Variants in IL26 observed in about 807,000 individuals in gnomAD.
IL26 encodes interleukin-26.
IL26 carries 23 observed loss-of-function variants against 21.7 expected under a neutral mutation model. The observed-to-expected ratio is 1.06, with a 90% CI of 0.76 to 1.50. IL26 has a LOEUF of 1.50. IL26 is among the 40% of genes most tolerant of loss of function. The pLI is 0.00. For missense variants in IL26, 204 were observed against 196.0 expected (o/e 1.04, Z -0.24); for synonymous variants, 63 against 67.8 (o/e 0.93, Z 0.34).
chr12:68,210,052 T>C (rs946172278), intron 3 of IL26, among the ~76,000 whole-genome samples: 5 of 151,862 alleles, frequency 3.3e-5, no homozygotes, highest in African/African-American at 1.2e-4. Flanking sequence ...ATGGCTAAGA[T>C]GGTTTCTACT....
At chr12:68,224,781 G>GGGAGAGAA (rs1869187415) in intron 3 of IL26, among the ~76,000 whole-genome samples, 1 of 133,584 alleles carries the variant, frequency 7.5e-6, no homozygotes, top group South Asian at 2.4e-4. Context: ...GGGAGAGAAA[G>GGGAGAGAA]AGAGACTTAG....
At chr12:68,222,714 G>A (rs930871324) in intron 3 of IL26, among the ~76,000 whole-genome samples, 2 of 152,146 alleles carry the variant, frequency 1.3e-5, no homozygotes, top group African/African-American at 4.8e-5. Context: ...CTTTCAAGAA[G>A]GGACTTGACC....
At chr12:68,204,141 AT>A (rs6144754) in intron 3 of IL26, among the ~76,000 whole-genome samples, 6,923 of 113,138 alleles carry the variant, frequency 0.061, 456 homozygotes, top group African/African-American at 0.22. Flanking sequence ...GGATTCAAAG[AT>A]TTTTTTTTTT....
intron 4 of IL26, 32 bp downstream of exon 4, chr12:68,201,986 A>T (rs1868401988): frequency 1.1e-5 from 17 of 1,539,748 alleles, no homozygotes; most frequent in Non-Finnish European, 1.5e-5. Flanking sequence ...TAAAAAACAA[A>T]GTTTTTTAAT....
chr12:68,225,326 T>A, intron 2 of IL26, 43 bp from the exon 3 acceptor site: 1 of 1,584,128 alleles, frequency 6.3e-7, no homozygotes, highest in Non-Finnish European at 8.6e-7. Context: ...AAATTATGAA[T>A]CGTTTTTTAA....
chr12:68,204,140 G>GTTTTTTTTTTT (rs1565735764), intron 3 of IL26, among the ~76,000 whole-genome samples: 1 of 108,936 alleles, frequency 9.2e-6, no homozygotes. Context: ...AGGATTCAAA[G>GTTTTTTTTTTT]ATTTTTTTTT....
At chr12:68,218,643 A>C (rs1344439463) in intron 3 of IL26, among the ~76,000 whole-genome samples, 3 of 152,000 alleles carry the variant, frequency 2.0e-5, no homozygotes, top group Admixed American at 6.5e-5. Context: ...AGACAGAAGG[A>C]GATACAGAAA....
chr12:68,202,045 A>G lies in IL26; in HGVS notation c.402T>C (p.Ile134=). ...CASSAREMKS[I]TRMKRIFYRI... ...TATAAAATATTCTTTTCATCCTGGTAATGGATTTCATCTCTCTAGCTGATG... is the reference window on the plus strand; with the variant it reads ...TATAAAATATTCTTTTCATCCTGGTGATGGATTTCATCTCTCTAGCTGATG... The change falls in exon 4 of 5, where the codon ATT becomes ATC. Residue 134 remains isoleucine, a synonymous_variant. Transcript: ENST00000229134. 6.3e-7 allele frequency: 1 copy of G among 1,586,158 alleles called. No homozygotes were observed. The highest frequency in any genetic ancestry group is 1.2e-5 in the South Asian group (1 of 86,726).
chr12:68,205,748 A>G (rs1351402650), intron 3 of IL26, among the ~76,000 whole-genome samples: 3 of 152,242 alleles, frequency 2.0e-5, no homozygotes, highest in African/African-American at 7.2e-5. Flanking sequence ...ATTTCTATAC[A>G]GTACTAACCC....
At chr12:68,207,329 A>G (rs1471576050) in intron 3 of IL26, among the ~76,000 whole-genome samples, 1 of 152,188 alleles carries the variant, frequency 6.6e-6, no homozygotes, top group African/African-American at 2.4e-5. Context: ...CACCAGTGGC[A>G]CTTTTTGTGG....
At chr12:68,220,151 T>C (rs1344943993) in intron 3 of IL26, among the ~76,000 whole-genome samples, 1 of 151,822 alleles carries the variant, frequency 6.6e-6, no homozygotes, top group Non-Finnish European at 1.5e-5. Context: ...TAAGAAAAAA[T>C]AAGTCTATAC....
chr12:68,206,837 A>T (rs1235570322), intron 3 of IL26, among the ~76,000 whole-genome samples: 1 of 152,130 alleles, frequency 6.6e-6, no homozygotes, highest in African/African-American at 2.4e-5. Flanking sequence ...GGCATCTGGG[A>T]ACTTGTCTGC....
Position 68,224,113 on chromosome 12 carries a change from T to A in IL26, c.363+1036A>T, listed in dbSNP as rs1197592915. On this transcript the variant is annotated intron_variant, in intron 3 of 4. Transcript: ENST00000229134. ...CCAGGATGAAGAGCTCCTTTCCAAC[T>A]GGCTTCCCAAGGATTGCAATAAGGC... 6.6e-5 allele frequency among the ~76,000 whole-genome samples: 10 copies of A among 150,950 alleles called. No homozygotes were observed. The South Asian group carries it at 1.0e-3, about 16-fold the overall frequency.
At chr12:68,206,471 C>T (rs948038575) in intron 3 of IL26, among the ~76,000 whole-genome samples, 1 of 152,166 alleles carries the variant, frequency 6.6e-6, no homozygotes, top group Middle Eastern at 3.2e-3. Flanking sequence ...CAGTTGCTTA[C>T]TGGCAAGGTA....
chr12:68,223,470 G>T (rs1869121474), intron 3 of IL26, among the ~76,000 whole-genome samples: 1 of 152,116 alleles, frequency 6.6e-6, no homozygotes, highest in Non-Finnish European at 1.5e-5. Flanking sequence ...CTAGAATATT[G>T]TTCGTTTTAG....
At chr12:68,203,750 A>C (rs1241360086) in intron 3 of IL26, among the ~76,000 whole-genome samples, 2 of 152,106 alleles carry the variant, frequency 1.3e-5, no homozygotes, top group East Asian at 3.9e-4. Context: ...CCAAATTGGG[A>C]TGCTACCTTC....
intron 3 of IL26, among the ~76,000 whole-genome samples, chr12:68,220,784 G>A (rs11177107): frequency 0.089 from 13,521 of 152,100 alleles, 1,119 homozygotes; most frequent in African/African-American, 0.22. Context: ...CTACAGGCAT[G>A]CGCCACCGCG....
At chr12:68,224,443 A>C (rs1318570500) in intron 3 of IL26, among the ~76,000 whole-genome samples, 2 of 152,030 alleles carry the variant, frequency 1.3e-5, no homozygotes, top group African/African-American at 4.8e-5. Flanking sequence ...TGAGGCATCA[A>C]ATAATTTAGG....
chr12:68,218,908 T>A (rs191248087), intron 3 of IL26, among the ~76,000 whole-genome samples: 1 of 151,948 alleles, frequency 6.6e-6, no homozygotes, highest in East Asian at 1.9e-4. Context: ...TCTATTAGCA[T>A]CAAAAAAGAA....
Sources: allele counts gnomAD v4.1 joint callset (sites outside exome capture counted in the v4.1 genomes callset), GRCh38; gene constraint gnomAD v4.1.1; transcripts MANE v1.5; gene names NCBI Gene and HGNC (gene_info 2026-07-23, HGNC 2026-07-21).